ANKRD13C: variants seen among roughly 807,000 people sequenced by gnomAD.
ANKRD13C encodes ankyrin repeat domain 13C, also known as ankyrin repeat domain-containing protein 13C.
ANKRD13C carries 16 observed loss-of-function variants against 65.5 expected under a neutral mutation model. The observed-to-expected ratio is 0.24, with a 90% CI of 0.17 to 0.37. The LOEUF (loss-of-function observed/expected upper bound fraction) is 0.37. Ranked by LOEUF, ANKRD13C falls within the 10% of genes least tolerant of loss-of-function variation. The pLI, the probability that ANKRD13C is intolerant of heterozygous loss-of-function variation, is 1.00. For synonymous variants in ANKRD13C, 235 were observed against 238.7 expected (o/e 0.98, Z 0.14); for missense variants, 503 against 655.9 (o/e 0.77, Z 2.55).
intron 3 of ANKRD13C, among the ~76,000 whole-genome samples, chr1:70,319,331 C>A (rs1681205213): frequency 6.6e-6 from 1 of 152,056 alleles, no homozygotes; most frequent in African/African-American, 2.4e-5. Context: ...AATACAGGGG[C>A]ACGGTGGCTC....
At chr1:70,266,106 C>T (rs932630297) in intron 12 of ANKRD13C, among the ~76,000 whole-genome samples, 2 of 152,176 alleles carry the variant, frequency 1.3e-5, no homozygotes, top group African/African-American at 2.4e-5. Flanking sequence ...TTGGATCCCA[C>T]AGTGTTGCCC....
At chr1:70,266,190 CCA>C (rs1055695064) in intron 12 of ANKRD13C, among the ~76,000 whole-genome samples, 1 of 152,136 alleles carries the variant, frequency 6.6e-6, no homozygotes, top group African/African-American at 2.4e-5. Context: ...CTGTTCACTG[CCA>C]CAGTTGTTTT....
At chr1:70,266,448 G>T (rs1558257180) in intron 12 of ANKRD13C, among the ~76,000 whole-genome samples, 2 of 152,076 alleles carry the variant, frequency 1.3e-5, no homozygotes, top group Non-Finnish European at 2.9e-5. Flanking sequence ...TGTACTTTTT[G>T]TGTGTGTGTG....
chr1:70,285,115 T>C (rs1679558548), intron 9 of ANKRD13C, among the ~76,000 whole-genome samples: 1 of 152,126 alleles, frequency 6.6e-6, no homozygotes, highest in Non-Finnish European at 1.5e-5. Flanking sequence ...TGTCTATTTC[T>C]ACACTTGATT....
rs1012558547 is a variant in ANKRD13C at position 70,311,258 on chromosome 1, C to T, written c.709+2487G>A. Among the ~76,000 whole-genome samples the T allele has an allele frequency of 3.9e-5, 6 of 152,066 alleles. No homozygotes were observed. In the East Asian group the frequency reaches 5.8e-4, roughly 15 times the overall value. ...CTGTAATCCCTACACTTTGGGAGGC[C>T]GAGGCGGGTGGATCATCAGAGGTCA... On this transcript the variant is annotated intron_variant, in intron 5 of 12. Transcript: ENST00000370944.
chr1:70,350,197 G>T (rs1682689288), intron 1 of ANKRD13C, among the ~76,000 whole-genome samples: 3 of 152,178 alleles, frequency 2.0e-5, no homozygotes, highest in Admixed American at 6.5e-5. Flanking sequence ...AGTATATGCT[G>T]CTTTACAGCA....
chr1:70,313,613 AT>A, intron 5 of ANKRD13C, 131 bp downstream of exon 5: 1 of 660,424 alleles, frequency 1.5e-6, no homozygotes, highest in Non-Finnish European at 2.7e-6. Context: ...ATTACAGTCA[AT>A]GTCATGAAAA....
chr1:70,330,862 T>C (rs1364039201), intron 2 of ANKRD13C, among the ~76,000 whole-genome samples: 1 of 152,184 alleles, frequency 6.6e-6, no homozygotes, highest in Non-Finnish European at 1.5e-5. Flanking sequence ...AGTTTTTCTA[T>C]ATCATCTCGT....
At chr1:70,308,451 A>T (rs1346134548) in intron 5 of ANKRD13C, among the ~76,000 whole-genome samples, 2 of 151,010 alleles carry the variant, frequency 1.3e-5, no homozygotes, top group Non-Finnish European at 3.0e-5. Flanking sequence ...AAAAAAAAAG[A>T]AAAGGGCAAG....
At chr1:70,264,090 C>T (rs1197959414) in intron 12 of ANKRD13C, among the ~76,000 whole-genome samples, 2 of 152,084 alleles carry the variant, frequency 1.3e-5, no homozygotes, top group African/African-American at 2.4e-5. Flanking sequence ...ACACTAAGTC[C>T]TATTGCCAGG....
chr1:70,277,228 C>T (rs957876090), intron 9 of ANKRD13C, among the ~76,000 whole-genome samples: 1 of 152,008 alleles, frequency 6.6e-6, no homozygotes, highest in Admixed American at 6.6e-5. Context: ...GAGGCCAAGG[C>T]GGGTGGATCA....
intron 2 of ANKRD13C, among the ~76,000 whole-genome samples, chr1:70,335,001 T>TTA (rs1414503880): frequency 6.6e-6 from 1 of 152,098 alleles, no homozygotes; most frequent in Non-Finnish European, 1.5e-5. Context: ...GACAGATACA[T>TTA]TATACCATAT....
At chr1:70,302,455 G>GAT in intron 6 of ANKRD13C, among the ~76,000 whole-genome samples, 1 of 110,658 alleles carries the variant, frequency 9.0e-6, no homozygotes, top group African/African-American at 4.0e-5. Flanking sequence ...GGCCGGGCGC[G>GAT]GTGGCTCACG....
At chr1:70,287,491 T>C (rs1379090020) in intron 9 of ANKRD13C, among the ~76,000 whole-genome samples, 2 of 152,088 alleles carry the variant, frequency 1.3e-5, no homozygotes, top group Non-Finnish European at 2.9e-5. Context: ...ATAAAACTTT[T>C]AGAAAAAAAC....
intron 12 of ANKRD13C, among the ~76,000 whole-genome samples, chr1:70,269,182 A>G (rs1678771042): frequency 6.6e-6 from 1 of 152,172 alleles, no homozygotes; most frequent in South Asian, 2.1e-4. Context: ...GAAACAAAAG[A>G]GAAATAGTTA....
intron 9 of ANKRD13C, among the ~76,000 whole-genome samples, chr1:70,289,298 T>G (rs937176705): frequency 7.2e-5 from 11 of 152,178 alleles, no homozygotes; most frequent in African/African-American, 2.7e-4. Context: ...CTTTAACTAT[T>G]CAAATACATC....
chr1:70,310,059 T>C (rs982111635), intron 5 of ANKRD13C, among the ~76,000 whole-genome samples: 2 of 152,006 alleles, frequency 1.3e-5, no homozygotes, highest in Admixed American at 6.6e-5. Flanking sequence ...TACTTAGGGG[T>C]CGGTATTTCT....
At chr1:70,352,373 A>T (rs1682783891) in intron 1 of ANKRD13C, among the ~76,000 whole-genome samples, 2 of 150,048 alleles carry the variant, frequency 1.3e-5, no homozygotes, top group South Asian at 4.2e-4. Context: ...AGTTAATTTC[A>T]GTGGGCTAAG....
At chr1:70,322,117 C>T (rs1681336596) in intron 3 of ANKRD13C, among the ~76,000 whole-genome samples, 3 of 152,036 alleles carry the variant, frequency 2.0e-5, no homozygotes, top group Non-Finnish European at 2.9e-5. Flanking sequence ...GAATTCGAGA[C>T]CAGCCTGGCC....
Sources: allele counts gnomAD v4.1 joint callset (sites outside exome capture counted in the v4.1 genomes callset), GRCh38; gene constraint gnomAD v4.1.1; transcripts MANE v1.5; gene names NCBI Gene and HGNC (gene_info 2026-07-23, HGNC 2026-07-21).